Variants in RORB observed in about 807,000 individuals in gnomAD.
The protein encoded by RORB is nuclear receptor ROR-beta.
RORB carries 6 observed loss-of-function variants against 59.1 expected under a neutral mutation model. The observed-to-expected ratio is 0.10, with a 90% CI of 0.06 to 0.20. RORB has a LOEUF of 0.20. Ranked by LOEUF, RORB falls within the 10% of genes least tolerant of loss-of-function variation. The probability of loss-of-function intolerance (pLI) is 1.00; values close to 1 mark genes in which losing one functional copy is unlikely to be tolerated. For missense variants in RORB, 320 were observed against 560.5 expected (o/e 0.57, Z 4.33); for synonymous variants, 215 against 204.5 (o/e 1.05, Z -0.44).
intron 1 of RORB, among the ~76,000 whole-genome samples, chr9:74,503,329 G>A (rs1825826721): frequency 2.0e-5 from 3 of 151,926 alleles, no homozygotes; most frequent in African/African-American, 7.2e-5. Context: ...GCAGTCTTTG[G>A]AGGCGTCTGT....
At chr9:74,569,621 T>C (rs1208508556) in intron 1 of RORB, among the ~76,000 whole-genome samples, 1 of 152,072 alleles carries the variant, frequency 6.6e-6, no homozygotes, top group East Asian at 1.9e-4. Context: ...AGGTAGAATG[T>C]GTGCTGTTTT....
intron 1 of RORB, among the ~76,000 whole-genome samples, chr9:74,618,651 G>C (rs891021398): frequency 6.6e-6 from 1 of 152,034 alleles, no homozygotes; most frequent in African/African-American, 2.4e-5. Context: ...GAGAACTTCA[G>C]GAATGGTCTC....
chr9:74,503,988 TG>T (rs1441302410), intron 1 of RORB, among the ~76,000 whole-genome samples: 1 of 152,078 alleles, frequency 6.6e-6, no homozygotes, highest in Non-Finnish European at 1.5e-5. Flanking sequence ...CTAATGGCAC[TG>T]GGGGTAGATT....
Position 74,545,631 on chromosome 9 carries a change from G to A in RORB, c.7+47648G>A, listed in dbSNP as rs531972582. ...CAGAAAGATGAGAAGGTTGGAGAGA[G>A]GTGGTAGAAAACTAATCTGATTAGG... On this transcript the variant is annotated intron_variant, in intron 1 of 9. Coordinates refer to ENST00000376896, the MANE Select transcript of RORB (RefSeq NM_006914.4). Among the ~76,000 whole-genome samples, 257 of 152,234 alleles carry A rather than the reference G, an allele frequency of 1.7e-3. 3 individuals are homozygous for A. The highest frequency in any genetic ancestry group is 5.7e-3 in the African/African-American group (238 of 41,554).
chr9:74,551,319 G>T (rs563752429), intron 1 of RORB, among the ~76,000 whole-genome samples: 3 of 152,000 alleles, frequency 2.0e-5, no homozygotes, highest in African/African-American at 4.8e-5. Context: ...TATGTAAATC[G>T]CCAGCAAATG....
At chr9:74,609,568 G>A (rs1398282991) in intron 1 of RORB, among the ~76,000 whole-genome samples, 1 of 152,124 alleles carries the variant, frequency 6.6e-6, no homozygotes, top group Admixed American at 6.5e-5. Context: ...ACATACAATT[G>A]ATAGCTGATA....
intron 1 of RORB, among the ~76,000 whole-genome samples, chr9:74,625,667 G>A (rs111876174): frequency 3.9e-4 from 60 of 152,248 alleles, no homozygotes; most frequent in African/African-American, 1.2e-3. Flanking sequence ...ATCAAATCTC[G>A]TGGTTGTACT....
chr9:74,501,066 A>G (rs920568212), intron 1 of RORB, among the ~76,000 whole-genome samples: 1 of 152,136 alleles, frequency 6.6e-6, no homozygotes, highest in African/African-American at 2.4e-5. Flanking sequence ...TCCTTCTTGA[A>G]AGATCTGTGG....
At chr9:74,515,815 T>C (rs1826001733) in intron 1 of RORB, among the ~76,000 whole-genome samples, 1 of 152,032 alleles carries the variant, frequency 6.6e-6, no homozygotes, top group African/African-American at 2.4e-5. Flanking sequence ...AATATCCCAG[T>C]GACTAGGAAG....
intron 1 of RORB, among the ~76,000 whole-genome samples, chr9:74,613,800 G>T (rs536801504): frequency 1.5e-4 from 23 of 152,286 alleles, no homozygotes; most frequent in African/African-American, 5.3e-4. Flanking sequence ...TTTAAGAGAA[G>T]ACAGGAATAA....
chr9:74,516,769 A>G (rs867594601), intron 1 of RORB, among the ~76,000 whole-genome samples: 4 of 152,178 alleles, frequency 2.6e-5, no homozygotes, highest in African/African-American at 9.6e-5. Flanking sequence ...AGTTCCCAAC[A>G]TACCTGGTGC....
intron 1 of RORB, among the ~76,000 whole-genome samples, chr9:74,580,984 G>T (rs1342032907): frequency 6.6e-6 from 1 of 152,136 alleles, no homozygotes; most frequent in South Asian, 2.1e-4. Context: ...CTGTGGGGAG[G>T]AGCCAGAATT....
chr9:74,620,671 T>C (rs1459883657), intron 1 of RORB, among the ~76,000 whole-genome samples: 4 of 152,244 alleles, frequency 2.6e-5, no homozygotes, highest in Non-Finnish European at 4.4e-5. Flanking sequence ...CTGCTTTCTC[T>C]TGTGGGCATT....
In RORB at chr9:74,642,600, A is replaced by T. The variant is rs1823829437; in HGVS notation, c.422A>T (p.Tyr141Phe). ...SNLNNETSGT[Y>F]ANGHVIDLPK... ...CTGAACAACGAGACCAGCGGCACTT[A>T]TGCCAACGGGCACGTCATTGACCTG... Residue 141 changes from tyrosine (Y) to phenylalanine (F), a missense_variant, in exon 4 of 10, where the codon TAT becomes TTT. This residue lies in a region of RORB where 134 missense variants were observed against 156.2 expected (regional missense o/e 0.86). Coordinates refer to ENST00000376896, the MANE Select transcript of RORB (RefSeq NM_006914.4). 1 of 1,614,134 alleles carries T rather than the reference A, an allele frequency of 6.2e-7. No individual in the cohort carries two copies. Among genetic ancestry groups the T allele is most frequent in the Non-Finnish European group, 8.5e-7 (1 of 1,180,056 alleles).
chr9:74,529,297 G>C (rs937180028), intron 1 of RORB, among the ~76,000 whole-genome samples: 2 of 151,486 alleles, frequency 1.3e-5, no homozygotes, highest in Non-Finnish European at 2.9e-5. Context: ...AGACTGAACA[G>C]AAGAATGAAG....
intron 1 of RORB, among the ~76,000 whole-genome samples, chr9:74,527,460 G>C (rs1017355591): frequency 6.6e-6 from 1 of 151,958 alleles, no homozygotes; most frequent in Non-Finnish European, 1.5e-5. Context: ...AAAATTGAAA[G>C]TATTTGTGAC....
Position 74,692,687 on chromosome 9 carries a change from C to T in RORB, c.*7069C>T, listed in dbSNP as rs996683895. On this transcript the variant is annotated 3_prime_UTR_variant, in exon 10 of 10. Transcript: ENST00000376896. ...CACTCTAAAAAGAATAATAATTCTA[C>T]TTTTTTAAAAGAATAATGTCTCTTA... 6.6e-6 allele frequency: 1 copy of T among 152,124 alleles called. No homozygotes were observed. Among genetic ancestry groups the T allele is most frequent in the African/African-American group, 2.4e-5 (1 of 41,420 alleles). The allele number at this position is 152,124 out of a possible 1,614,324, so 9.4% of individuals were successfully genotyped here. A position where few individuals can be genotyped will look rare whatever the true frequency, so the allele number is the denominator to read the frequency against.
At chr9:74,560,427 A>G (rs572380273) in intron 1 of RORB, among the ~76,000 whole-genome samples, 1 of 152,272 alleles carries the variant, frequency 6.6e-6, no homozygotes, top group South Asian at 2.1e-4. Context: ...CTGTATCTCC[A>G]TCTACGAACA....
chr9:74,674,239 A>G (rs1824396883), intron 9 of RORB, among the ~76,000 whole-genome samples: 1 of 152,176 alleles, frequency 6.6e-6, no homozygotes, highest in Non-Finnish European at 1.5e-5. Flanking sequence ...ATGCCATTGT[A>G]GTCATGGAGC....
Sources: allele counts gnomAD v4.1 joint callset (sites outside exome capture counted in the v4.1 genomes callset), GRCh38; gene constraint gnomAD v4.1.1; regional missense constraint gnomAD v4.1.1; transcripts MANE v1.5; gene names NCBI Gene and HGNC (gene_info 2026-07-23, HGNC 2026-07-21).